ANGPT1: variants seen among roughly 807,000 people sequenced by gnomAD.
The protein encoded by ANGPT1 is angiopoietin-1.
A neutral mutation model predicts 62.2 loss-of-function variants in ANGPT1; 17 were observed. The observed-to-expected ratio is 0.27, with a 90% CI of 0.19 to 0.41. The LOEUF (loss-of-function observed/expected upper bound fraction) is 0.41. Ranked by LOEUF, ANGPT1 falls within the 10% of genes least tolerant of loss-of-function variation. The pLI is 1.00. For synonymous variants in ANGPT1, 199 were observed against 198.9 expected, an observed-to-expected ratio of 1.00 and a Z score of 0.00; for missense variants, 478 against 594.9, an observed-to-expected ratio of 0.80 and a Z score of 2.04.
At chr8:107,333,402 A>T (rs539864791) in intron 3 of ANGPT1, among the ~76,000 whole-genome samples, 2 of 152,190 alleles carry the variant, frequency 1.3e-5, no homozygotes, top group Non-Finnish European at 2.9e-5. Context: ...GAAGTGTAAG[A>T]TGCATGCAGG....
chr8:107,459,199 T>G (rs1275021126), intron 1 of ANGPT1, among the ~76,000 whole-genome samples: 1 of 152,146 alleles, frequency 6.6e-6, no homozygotes, highest in Non-Finnish European at 1.5e-5. Flanking sequence ...CGCAACTCCA[T>G]GGAGCTTTTA....
At chr8:107,343,940 T>C (rs1815749487) in intron 2 of ANGPT1, among the ~76,000 whole-genome samples, 1 of 152,088 alleles carries the variant, frequency 6.6e-6, no homozygotes, top group Non-Finnish European at 1.5e-5. Flanking sequence ...CACACACCTG[T>C]AGTCCCAGCT....
At chr8:107,256,795 G>A (rs1194358665) in intron 8 of ANGPT1, among the ~76,000 whole-genome samples, 2 of 152,030 alleles carry the variant, frequency 1.3e-5, no homozygotes, top group African/African-American at 4.8e-5. Flanking sequence ...CTCTGCTATT[G>A]GGACAACTGA....
chr8:107,333,307 T>A (rs1300008940), intron 3 of ANGPT1, among the ~76,000 whole-genome samples: 4 of 151,842 alleles, frequency 2.6e-5, no homozygotes, highest in Non-Finnish European at 5.9e-5. Context: ...GGCATAGAAA[T>A]TGATAGAAAA....
chr8:107,313,440 T>TG (rs1586213968), intron 4 of ANGPT1, among the ~76,000 whole-genome samples: 2 of 125,354 alleles, frequency 1.6e-5, no homozygotes, highest in Non-Finnish European at 1.7e-5. Flanking sequence ...TTTTTTTTTT[T>TG]TTTTTTTTTT....
chr8:107,444,268 A>G (rs1214151569), intron 1 of ANGPT1, among the ~76,000 whole-genome samples: 3 of 152,236 alleles, frequency 2.0e-5, no homozygotes, highest in African/African-American at 7.2e-5. Context: ...CCTAGGGGAA[A>G]GGACAGGTTT....
intron 1 of ANGPT1, among the ~76,000 whole-genome samples, chr8:107,347,850 G>A (rs186236054): frequency 1.2e-3 from 178 of 152,178 alleles, no homozygotes; most frequent in African/African-American, 4.0e-3. Flanking sequence ...GTCCTTTATG[G>A]TGCCATCTTA....
intron 1 of ANGPT1, among the ~76,000 whole-genome samples, chr8:107,365,380 C>T (rs999089058): frequency 2.0e-5 from 3 of 152,140 alleles, no homozygotes; most frequent in African/African-American, 7.2e-5. Flanking sequence ...TCATAAACCT[C>T]AGGGGCTTAG....
chr8:107,469,681 C>T (rs1812293599), intron 1 of ANGPT1, among the ~76,000 whole-genome samples: 1 of 151,998 alleles, frequency 6.6e-6, no homozygotes, highest in African/African-American at 2.4e-5. Flanking sequence ...CCAGACTACA[C>T]ATCCGCCTTA....
intron 1 of ANGPT1, among the ~76,000 whole-genome samples, chr8:107,453,984 T>C (rs917678879): frequency 6.6e-6 from 1 of 151,996 alleles, no homozygotes; most frequent in Non-Finnish European, 1.5e-5. Context: ...ATAGGTATGG[T>C]TGTCTCTGTT....
intron 1 of ANGPT1, among the ~76,000 whole-genome samples, chr8:107,414,501 C>T (rs1461197343): frequency 2.0e-5 from 3 of 152,110 alleles, no homozygotes; most frequent in African/African-American, 7.2e-5. Context: ...AGTGACATTA[C>T]CTTACCTGTC....
At chr8:107,414,476 A>G (rs747041331) in intron 1 of ANGPT1, among the ~76,000 whole-genome samples, 1 of 152,188 alleles carries the variant, frequency 6.6e-6, no homozygotes, top group Non-Finnish European at 1.5e-5. Flanking sequence ...TTTTCAGTTT[A>G]AAAGAAAAGA....
intron 7 of ANGPT1, among the ~76,000 whole-genome samples, chr8:107,279,571 G>A (rs1324706139): frequency 3.9e-5 from 6 of 152,168 alleles, no homozygotes; most frequent in South Asian, 2.1e-4. Flanking sequence ...CTTGTGCAAA[G>A]TACTATGCCT....
intron 8 of ANGPT1, among the ~76,000 whole-genome samples, chr8:107,254,035 A>G (rs991906991): frequency 6.6e-6 from 1 of 152,148 alleles, no homozygotes; most frequent in Non-Finnish European, 1.5e-5. Flanking sequence ...CATCCTAAAA[A>G]CAATGGAAAG....
intron 7 of ANGPT1, among the ~76,000 whole-genome samples, chr8:107,277,752 G>T (rs1813899422): frequency 6.6e-6 from 1 of 152,108 alleles, no homozygotes; most frequent in South Asian, 2.1e-4. Context: ...AATCTAATCA[G>T]AAAGAAATAG....
At position 107,413,087 on chromosome 8, in the gene ANGPT1, T is replaced by G. The variant is rs144133785; in HGVS notation, c.298-65990A>C. ...TAAGAACATAAGTATTTTTCTGTCATTTTTATTTTATCAAAAGGGATAAGT... is the reference window on the plus strand; with the variant it reads ...TAAGAACATAAGTATTTTTCTGTCAGTTTTATTTTATCAAAAGGGATAAGT... On this transcript the variant is annotated intron_variant, in intron 1 of 8. Transcript: ENST00000517746. Among the ~76,000 whole-genome samples, 36 of 152,258 alleles carry G rather than the reference T, an allele frequency of 2.4e-4. No homozygotes were observed. In the East Asian group the frequency reaches 6.2e-3, roughly 26 times the overall value.
chr8:107,450,718 G>A (rs1811750714), intron 1 of ANGPT1, among the ~76,000 whole-genome samples: 1 of 145,616 alleles, frequency 6.9e-6, no homozygotes, highest in African/African-American at 2.5e-5. Context: ...GTGTGTGTGT[G>A]TGTGTGTGTG....
intron 6 of ANGPT1, among the ~76,000 whole-genome samples, chr8:107,287,548 CCTT>C (rs1437195907): frequency 6.6e-6 from 1 of 152,084 alleles, no homozygotes; most frequent in Non-Finnish European, 1.5e-5. Context: ...AGGGAGGAAA[CCTT>C]CTAATAGCCA....
chr8:107,483,988 A>C (rs1421278171), intron 1 of ANGPT1, among the ~76,000 whole-genome samples: 1 of 152,252 alleles, frequency 6.6e-6, no homozygotes, highest in African/African-American at 2.4e-5. Context: ...TTCCCTAAGA[A>C]CATCAGGCTT....
Sources: allele counts gnomAD v4.1 joint callset (sites outside exome capture counted in the v4.1 genomes callset), GRCh38; gene constraint gnomAD v4.1.1; transcripts MANE v1.5; gene names NCBI Gene and HGNC (gene_info 2026-07-23, HGNC 2026-07-21).